The following ZFAT variants were observed in gnomAD, a reference collection of about 807,000 sequenced individuals.
ZFAT encodes zinc finger protein ZFAT.
A neutral mutation model predicts 117.7 loss-of-function variants in ZFAT; 64 were observed. The ratio of observed to expected loss-of-function variants is 0.54; its 90% CI spans 0.44 to 0.67. ZFAT has a LOEUF of 0.67. Among genes scored for constraint, ZFAT ranks in the 30% least tolerant of loss-of-function variants. The pLI is 0.00. For missense variants in ZFAT, 1,433 were observed against 1,584.5 expected (o/e 0.90, Z 1.62); for synonymous variants, 679 against 615.0 (o/e 1.10, Z -1.54).
Position 134,602,434 on chromosome 8 carries a change from T to G in ZFAT, c.1285A>C (p.Lys429Gln). 3.1e-6 allele frequency: 5 copies of G among 1,613,952 alleles called. No individual in the cohort carries two copies. Among genetic ancestry groups the G allele is most frequent in the Non-Finnish European group, 3.4e-6 (4 of 1,179,992 alleles). Residue 429 changes from lysine to glutamine, a missense_variant, in exon 6 of 16, where the codon AAG (lysine) becomes CAG (glutamine). Lys to Gln is a moderately conservative substitution (Grantham distance 53). Coordinates refer to ENST00000377838, the MANE Select transcript of ZFAT (RefSeq NM_020863.4). ...CAGAGCTCACAGGCAAAAGGCCACT[T>G]GTCTCCGTGGACCAGCATATGGCGG... ...RDRHMLVHGD[K>Q]WPFACELCGH... is the part of the protein sequence containing the mutation.
chr8:134,760,002 C>G, the ZFAT span, among the ~76,000 whole-genome samples: 2 of 138,776 alleles, frequency 1.4e-5, no homozygotes, highest in Non-Finnish European at 3.1e-5. Context: ...AAACAGAGGC[C>G]GGGTGCGGTG....
chr8:134,775,285 G>A, the ZFAT span, among the ~76,000 whole-genome samples: 2 of 152,298 alleles, frequency 1.3e-5, no homozygotes, highest in Middle Eastern at 3.4e-3. Context: ...ATTGTGTGCT[G>A]TATATTACAA....
intron 10 of ZFAT, among the ~76,000 whole-genome samples, chr8:134,565,996 G>A (rs1824431913): frequency 1.3e-5 from 2 of 151,822 alleles, no homozygotes; most frequent in Admixed American, 6.6e-5. Flanking sequence ...GCAAAGTGCA[G>A]GATCTGCGTT....
chr8:134,818,257 T>A, the ZFAT span, among the ~76,000 whole-genome samples: 3 of 152,148 alleles, frequency 2.0e-5, no homozygotes, highest in African/African-American at 7.2e-5. Flanking sequence ...GATTTATACA[T>A]AAGAACCCTC....
chr8:134,696,727 G>C (rs556231478), intron 1 of ZFAT, among the ~76,000 whole-genome samples: 17 of 152,158 alleles, frequency 1.1e-4, no homozygotes, highest in African/African-American at 3.9e-4. Flanking sequence ...CCAGCACTCC[G>C]AGGGGGTGTG....
chr8:134,704,704 C>G (rs1454830310), intron 1 of ZFAT, among the ~76,000 whole-genome samples: 1 of 151,998 alleles, frequency 6.6e-6, no homozygotes, highest in Non-Finnish European at 1.5e-5. Flanking sequence ...CAGGAGTGAA[C>G]TGATGCATAA....
chr8:134,816,313 T>A, the ZFAT span, among the ~76,000 whole-genome samples: 1 of 152,194 alleles, frequency 6.6e-6, no homozygotes. Flanking sequence ...TTTGGTAACA[T>A]GTCTATTTTG....
At chr8:134,822,496 A>C in the ZFAT span, among the ~76,000 whole-genome samples, 1 of 152,066 alleles carries the variant, frequency 6.6e-6, no homozygotes, top group South Asian at 2.1e-4. Flanking sequence ...AAAAACACTA[A>C]AATTTATTAA....
intron 1 of ZFAT, among the ~76,000 whole-genome samples, chr8:134,705,632 G>A (rs772459085): frequency 2.0e-5 from 3 of 151,832 alleles, no homozygotes; most frequent in South Asian, 2.1e-4. Flanking sequence ...AGGTTCAAGC[G>A]ATTCTCATGC....
the ZFAT span, among the ~76,000 whole-genome samples, chr8:134,745,037 C>A: frequency 2.0e-5 from 3 of 152,216 alleles, no homozygotes; most frequent in African/African-American, 7.2e-5. Flanking sequence ...CAGGAAGGGC[C>A]TACTCTCTTG....
chr8:134,730,451 A>G, the ZFAT span, among the ~76,000 whole-genome samples: 1 of 152,218 alleles, frequency 6.6e-6, no homozygotes, highest in Middle Eastern at 3.2e-3. Flanking sequence ...ATTTGTCACA[A>G]GAGAGACCTT....
At chr8:134,764,629 A>G in the ZFAT span, among the ~76,000 whole-genome samples, 1 of 152,246 alleles carries the variant, frequency 6.6e-6, no homozygotes, top group Non-Finnish European at 1.5e-5. Flanking sequence ...ACTTCCCTCC[A>G]TGAGCCACCA....
rs73711205 is a variant in ZFAT, at chr8:134,565,216, G to C, written c.2976+117C>G. 1.2e-3 allele frequency: 1,811 copies of C among 1,552,006 alleles called. 16 individuals are homozygous for C. In the African/African-American group the frequency reaches 0.022, roughly 19 times the overall value. ...AGACTCCACGTGTACCAGCTAAGGGGGCCCCAAAGCGAAGGTAAAACCAAC... is the reference window on the plus strand; with the variant it reads ...AGACTCCACGTGTACCAGCTAAGGGCGCCCCAAAGCGAAGGTAAAACCAAC... On this transcript the variant is annotated intron_variant, in intron 11 of 15. Coordinates refer to ENST00000377838, the MANE Select transcript of ZFAT (RefSeq NM_020863.4).
intron 13 of ZFAT, among the ~76,000 whole-genome samples, chr8:134,513,964 C>A (rs1454705825): frequency 1.3e-5 from 2 of 152,162 alleles, no homozygotes; most frequent in African/African-American, 4.8e-5. Flanking sequence ...ACAGATTAGC[C>A]GACAGTAGAT....
intron 1 of ZFAT, among the ~76,000 whole-genome samples, chr8:134,704,895 TA>T (rs891301803): frequency 1.3e-4 from 19 of 143,940 alleles, no homozygotes; most frequent in South Asian, 2.2e-4. Flanking sequence ...TATAAACCTT[TA>T]AAAAAAAAAA....
chr8:134,504,011 T>C (rs1819198741), intron 15 of ZFAT, among the ~76,000 whole-genome samples: 1 of 152,140 alleles, frequency 6.6e-6, no homozygotes, highest in African/African-American at 2.4e-5. Flanking sequence ...ACGTATTTCT[T>C]ATCAGGTCTC....
intron 15 of ZFAT, among the ~76,000 whole-genome samples, chr8:134,498,304 C>A (rs1453546615): frequency 6.0e-5 from 9 of 150,310 alleles, no homozygotes; most frequent in Non-Finnish European, 1.2e-4. Flanking sequence ...ACACACAGAG[C>A]CTGATTTTGT....
At chr8:134,803,860 G>A in the ZFAT span, among the ~76,000 whole-genome samples, 53 of 152,216 alleles carry the variant, frequency 3.5e-4, no homozygotes, top group African/African-American at 1.1e-3. Context: ...AAGAAAATAA[G>A]CATGTAAATA....
intron 15 of ZFAT, among the ~76,000 whole-genome samples, chr8:134,504,725 G>A (rs537575608): frequency 1.2e-4 from 19 of 152,316 alleles, no homozygotes; most frequent in African/African-American, 3.6e-4. Flanking sequence ...GACTCCAAGT[G>A]GGCAGAAGGG....
Sources: allele counts gnomAD v4.1 joint callset (sites outside exome capture counted in the v4.1 genomes callset), GRCh38; gene constraint gnomAD v4.1.1; transcripts MANE v1.5; gene names NCBI Gene and HGNC (gene_info 2026-07-23, HGNC 2026-07-21).